LRRC7: variants seen among roughly 807,000 people sequenced by gnomAD.
LRRC7 encodes leucine rich repeat containing 7.
A neutral mutation model predicts 175.7 loss-of-function variants in LRRC7; 23 were observed. The observed-to-expected ratio is 0.13, with a 90% CI of 0.09 to 0.19. The LOEUF is 0.19. Among genes scored for constraint, LRRC7 ranks in the 10% least tolerant of loss-of-function variants. The pLI, the probability that LRRC7 is intolerant of heterozygous loss-of-function variation, is 1.00. For missense variants in LRRC7, 1,354 were observed against 1,904.7 expected, an observed-to-expected ratio of 0.71 and a Z score of 5.38; for synonymous variants, 685 against 680.9, an observed-to-expected ratio of 1.01 and a Z score of -0.09.
intron 8 of LRRC7, among the ~76,000 whole-genome samples, chr1:69,976,377 C>T (rs2101879203): frequency 6.6e-6 from 1 of 152,316 alleles, no homozygotes; most frequent in South Asian, 2.1e-4. Context: ...TCATGTTTTT[C>T]TGCCTGCTTT....
chr1:70,017,482 A>G lies in LRRC7; in HGVS notation c.1320+948A>G, dbSNP rs551545224. Among the ~76,000 whole-genome samples, 63 of 152,244 alleles carry G rather than the reference A, an allele frequency of 4.1e-4. No homozygotes were observed. In the Middle Eastern group the frequency reaches 0.014, roughly 33 times the overall value. On this transcript the variant is annotated intron_variant, in intron 14 of 26. Transcript: ENST00000651989. ...AGAACTAATGATAGACAATTTTTAT[A>G]TAGTTTATTAGTCCTCTTTTTTCTT... is the stretch of plus-strand genomic sequence containing the variant.
intron 11 of LRRC7, among the ~76,000 whole-genome samples, chr1:70,000,134 C>A (rs1465961744): frequency 1.3e-5 from 2 of 152,118 alleles, no homozygotes; most frequent in Non-Finnish European, 2.9e-5. Context: ...CAGAATATAA[C>A]AAAAAATTCA....
chr1:70,101,811 A>G (rs1453139167), intron 25 of LRRC7, among the ~76,000 whole-genome samples: 1 of 152,244 alleles, frequency 6.6e-6, no homozygotes, highest in African/African-American at 2.4e-5. Flanking sequence ...TGGCTCATCC[A>G]GCTAGCCCTC....
chr1:69,641,587 A>G (rs1654217223), intron 1 of LRRC7, among the ~76,000 whole-genome samples: 1 of 151,656 alleles, frequency 6.6e-6, no homozygotes, highest in African/African-American at 2.4e-5. Flanking sequence ...TTCCTATGGA[A>G]GCATTATAGC....
intron 1 of LRRC7, among the ~76,000 whole-genome samples, chr1:69,625,131 T>C (rs1651274927): frequency 6.6e-6 from 1 of 151,994 alleles, no homozygotes; most frequent in African/African-American, 2.4e-5. Flanking sequence ...AGGAGTTTTC[T>C]TTGTGGGGAG....
In LRRC7 at chr1:69,919,828, C is replaced by T. The variant is rs960225788; in HGVS notation, c.648-11679C>T. ...CGGATTCCGGCATCCACGTCATTGT[C>T]CGCACGGAGTGAGGATTGGGGGCCC... On this transcript the variant is annotated intron_variant, in intron 7 of 26. Coordinates refer to ENST00000651989, the MANE Select transcript of LRRC7 (RefSeq NM_001370785.2). 1.9e-5 allele frequency: 14 copies of T among 738,328 alleles called. No individual in the cohort carries two copies. In the African/African-American group the frequency reaches 2.3e-4, roughly 12 times the overall value. 45.7% of individuals were successfully genotyped at this position (738,328 alleles called of 1,614,324 possible).
rs548112900 is a variant in LRRC7, at chr1:69,657,488, C to G, written c.3-20893C>G. 1.6e-4 allele frequency among the ~76,000 whole-genome samples: 25 copies of G among 151,792 alleles called. No homozygotes were observed. In the South Asian group the frequency reaches 5.2e-3, roughly 31 times the overall value. ...TCCGATTTGAAAAGTATAAGATTCC[C>G]AAGGATCCTCTTCATCCAGGTGCTA... On this transcript the variant is annotated intron_variant, in intron 1 of 26. Coordinates refer to ENST00000651989, the MANE Select transcript of LRRC7 (RefSeq NM_001370785.2).
intron 5 of LRRC7, among the ~76,000 whole-genome samples, chr1:69,830,712 C>T (rs755853363): frequency 1.3e-5 from 2 of 151,802 alleles, no homozygotes; most frequent in African/African-American, 2.4e-5. Flanking sequence ...AAAAAATTCA[C>T]GTTGAAGTGA....
intron 7 of LRRC7, among the ~76,000 whole-genome samples, chr1:69,865,273 G>C (rs1344390225): frequency 6.6e-6 from 1 of 151,940 alleles, no homozygotes. Context: ...CATGCAGCCA[G>C]TATTCGTTTA....
intron 25 of LRRC7, among the ~76,000 whole-genome samples, chr1:70,090,172 G>C (rs572559703): frequency 6.6e-6 from 1 of 152,064 alleles, no homozygotes; most frequent in African/African-American, 2.4e-5. Context: ...AGGTTAACTC[G>C]TAAGTCACTT....
chr1:69,791,912 G>T, intron 3 of LRRC7, 131 bp from the exon 4 acceptor site: 1 of 590,742 alleles, frequency 1.7e-6, no homozygotes, highest in Non-Finnish European at 3.0e-6. Flanking sequence ...TGAGTATGGA[G>T]GGAAGTGAGG....
At chr1:69,826,318 A>G (rs1434656139) in intron 5 of LRRC7, among the ~76,000 whole-genome samples, 4 of 152,150 alleles carry the variant, frequency 2.6e-5, no homozygotes, top group Non-Finnish European at 5.9e-5. Flanking sequence ...CTAGGAGAAT[A>G]GGAGAATGGA....
rs374815044 is a variant in LRRC7, at chr1:69,796,423, C to T, written c.421+4263C>T. On this transcript the variant is annotated intron_variant, in intron 4 of 26. Transcript: ENST00000651989. ...GAATCATATTATCTTCTTATCTTCT[C>T]TACCCAAAATACCCCTTCCTCCCTA... is the stretch of plus-strand genomic sequence containing the variant. Among the ~76,000 whole-genome samples the T allele has an allele frequency of 8.7e-4, 133 of 152,112 alleles. 2 individuals are homozygous for T. In the South Asian group the frequency reaches 0.026, roughly 29 times the overall value.
At chr1:69,814,304 A>C (rs983893001) in intron 4 of LRRC7, among the ~76,000 whole-genome samples, 2 of 152,136 alleles carry the variant, frequency 1.3e-5, no homozygotes, top group Non-Finnish European at 2.9e-5. Context: ...TCATTTGAAA[A>C]ATGAAAATCA....
Position 69,614,548 on chromosome 1 carries a change from C to T in LRRC7, c.2+45907C>T, listed in dbSNP as rs541768558. ...CTCATTTGCCCTGGCCTCTGAGGCA[C>T]GTTGATATCATTGACCAAACACCAA... is the stretch of plus-strand genomic sequence containing the variant. On this transcript the variant is annotated intron_variant, in intron 1 of 26. Transcript: ENST00000651989. 7.9e-5 allele frequency among the ~76,000 whole-genome samples: 12 copies of T among 152,080 alleles called. No homozygotes were observed. The South Asian group carries it at 1.0e-3, about 13-fold the overall frequency.
At chr1:69,586,910 T>A (rs983993278) in intron 1 of LRRC7, among the ~76,000 whole-genome samples, 1 of 152,176 alleles carries the variant, frequency 6.6e-6, no homozygotes, top group Non-Finnish European at 1.5e-5. Context: ...TGAGGAACAA[T>A]ATAGAATTCA....
chr1:70,019,381 C>T (rs532884894), intron 15 of LRRC7, among the ~76,000 whole-genome samples: 1 of 152,106 alleles, frequency 6.6e-6, no homozygotes, highest in East Asian at 1.9e-4. Context: ...CTTCTATGAT[C>T]ACATTATTCA....
intron 3 of LRRC7, among the ~76,000 whole-genome samples, chr1:69,766,250 G>T (rs943130680): frequency 6.6e-6 from 1 of 152,088 alleles, no homozygotes; most frequent in African/African-American, 2.4e-5. Flanking sequence ...TGGATGAGAG[G>T]AATGCAACAT....
chr1:69,755,957 A>G (rs1314589853), intron 2 of LRRC7, among the ~76,000 whole-genome samples: 3 of 151,928 alleles, frequency 2.0e-5, no homozygotes, highest in African/African-American at 7.3e-5. Context: ...AACCTTTACC[A>G]TGAAAAATGA....
Sources: gnomAD v4.1 joint callset for allele counts (sites outside exome capture counted in the v4.1 genomes callset) on GRCh38, gnomAD v4.1.1 for gene constraint, MANE v1.5 for transcripts, NCBI Gene and HGNC (gene_info 2026-07-23, HGNC 2026-07-21) for gene names.